Variants in KIAA1328 observed in about 807,000 individuals in gnomAD.
The protein encoded by KIAA1328 is KIAA1328, also known as protein hinderin.
Under a neutral mutation model 68.1 loss-of-function variants are expected in KIAA1328, and 52 were observed. The ratio of observed to expected loss-of-function variants is 0.76; its 90% CI spans 0.61 to 0.96. The LOEUF (loss-of-function observed/expected upper bound fraction) is 0.96, where lower values mean the gene tolerates loss of function less well. Ranked by LOEUF, KIAA1328 falls within the 40% of genes least tolerant of loss-of-function variation. The pLI is 0.00. For synonymous variants in KIAA1328, 232 were observed against 239.4 expected, an observed-to-expected ratio of 0.97 and a Z score of 0.28; for missense variants, 641 against 677.6, an observed-to-expected ratio of 0.95 and a Z score of 0.60.
At chr18:37,169,234 C>T (rs1476038798) in intron 8 of KIAA1328, among the ~76,000 whole-genome samples, 8 of 150,940 alleles carry the variant, frequency 5.3e-5, no homozygotes, top group East Asian at 1.9e-4. Context: ...GGCACGATCT[C>T]GGCTCACTGC....
chr18:37,062,028 T>C (rs1014010573), intron 6 of KIAA1328, among the ~76,000 whole-genome samples: 7 of 152,218 alleles, frequency 4.6e-5, no homozygotes, highest in African/African-American at 1.7e-4. Flanking sequence ...TTAGATATGG[T>C]CCACGCGCTT....
chr18:37,084,882 A>C (rs894341456), intron 7 of KIAA1328, among the ~76,000 whole-genome samples: 2 of 152,182 alleles, frequency 1.3e-5, no homozygotes, highest in African/African-American at 4.8e-5. Flanking sequence ...GGTCTGCAAC[A>C]ATCAATCTGG....
chr18:37,085,712 A>G (rs2057082489), intron 7 of KIAA1328, among the ~76,000 whole-genome samples: 1 of 152,148 alleles, frequency 6.6e-6, no homozygotes, highest in Admixed American at 6.5e-5. Context: ...TGCTATGGAA[A>G]TTGATGATTT....
intron 6 of KIAA1328, among the ~76,000 whole-genome samples, chr18:37,044,069 A>G (rs2055366378): frequency 6.6e-6 from 1 of 152,242 alleles, no homozygotes; most frequent in African/African-American, 2.4e-5. Context: ...AATTTAACAA[A>G]CTATAGACCA....
chr18:37,094,800 A>AG (rs1310823044), intron 7 of KIAA1328, among the ~76,000 whole-genome samples: 1 of 152,196 alleles, frequency 6.6e-6, no homozygotes, highest in Non-Finnish European at 1.5e-5. Flanking sequence ...AGATTAAAAA[A>AG]CAAAACTCAA....
At chr18:37,229,529 G>A (rs915398573), downstream of KIAA1328, 2 of 1,264,288 alleles carry the variant, frequency 1.6e-6, no homozygotes, top group African/African-American at 1.5e-5. Flanking sequence ...GGGGTGGGAG[G>A]GTCATTTTTT....
chr18:37,211,068 T>G (rs188610868), intron 9 of KIAA1328, among the ~76,000 whole-genome samples: 104 of 152,274 alleles, frequency 6.8e-4, no homozygotes, highest in Middle Eastern at 3.4e-3. Context: ...TGTACTTGAG[T>G]AGATTAATTT....
At chr18:37,202,817 G>A (rs1017344074) in intron 9 of KIAA1328, among the ~76,000 whole-genome samples, 5 of 152,046 alleles carry the variant, frequency 3.3e-5, no homozygotes, top group Admixed American at 1.3e-4. Context: ...TGATTTTAAC[G>A]TAAATTTGAT....
At chr18:36,997,701 A>G (rs1228661658) in intron 6 of KIAA1328, among the ~76,000 whole-genome samples, 1 of 152,150 alleles carries the variant, frequency 6.6e-6, no homozygotes, top group South Asian at 2.1e-4. Flanking sequence ...GGCTGTTGCT[A>G]CTGAGACTCG....
At chr18:36,900,980 C>T (rs1224682815) in intron 5 of KIAA1328, among the ~76,000 whole-genome samples, 1 of 152,026 alleles carries the variant, frequency 6.6e-6, no homozygotes, top group African/African-American at 2.4e-5. Flanking sequence ...ATCTGGTTGT[C>T]TCTTCAAAAT....
At chr18:36,959,027 C>T (rs949054270) in intron 5 of KIAA1328, among the ~76,000 whole-genome samples, 5 of 151,728 alleles carry the variant, frequency 3.3e-5, no homozygotes, top group African/African-American at 1.2e-4. Flanking sequence ...GTAGGGGTTC[C>T]TTTGCATGTA....
At chr18:37,010,791 T>C (rs1177453074) in intron 6 of KIAA1328, among the ~76,000 whole-genome samples, 2 of 152,062 alleles carry the variant, frequency 1.3e-5, no homozygotes, top group Non-Finnish European at 2.9e-5. Flanking sequence ...TACTGTCATT[T>C]GAGATTATAC....
intron 6 of KIAA1328, among the ~76,000 whole-genome samples, chr18:37,008,554 A>C (rs1186396809): frequency 6.6e-6 from 1 of 152,256 alleles, no homozygotes; most frequent in Non-Finnish European, 1.5e-5. Context: ...TCTAGAGAAA[A>C]GATAATTAAG....
chr18:36,878,526 G>A (rs1258701989), intron 4 of KIAA1328, among the ~76,000 whole-genome samples: 1 of 152,114 alleles, frequency 6.6e-6, no homozygotes, highest in African/African-American at 2.4e-5. Flanking sequence ...TCTTTGTGGT[G>A]TTCTGTGTTT....
At chr18:36,920,474 T>G (rs1485752831) in intron 5 of KIAA1328, among the ~76,000 whole-genome samples, 2 of 152,174 alleles carry the variant, frequency 1.3e-5, no homozygotes, top group Non-Finnish European at 2.9e-5. Context: ...TAGTTTGAAG[T>G]CAGGTAGTGT....
At chr18:37,000,734 A>G (rs1298418206) in intron 6 of KIAA1328, among the ~76,000 whole-genome samples, 2 of 151,836 alleles carry the variant, frequency 1.3e-5, no homozygotes, top group Non-Finnish European at 2.9e-5. Flanking sequence ...CAATACCAAG[A>G]GGAACTCTGG....
intron 7 of KIAA1328, among the ~76,000 whole-genome samples, chr18:37,109,408 A>C (rs1438262191): frequency 6.6e-6 from 1 of 152,210 alleles, no homozygotes; most frequent in Non-Finnish European, 1.5e-5. Flanking sequence ...CCTAAGAATT[A>C]GCTTTTTTGT....
intron 6 of KIAA1328, among the ~76,000 whole-genome samples, chr18:37,061,511 T>G (rs921113265): frequency 6.6e-6 from 1 of 152,226 alleles, no homozygotes; most frequent in Admixed American, 6.5e-5. Context: ...AAATTGTGGT[T>G]TCTAAGTTAC....
chr18:37,108,695 C>T (rs1474135352), intron 7 of KIAA1328, among the ~76,000 whole-genome samples: 1 of 152,152 alleles, frequency 6.6e-6, no homozygotes, highest in East Asian at 1.9e-4. Context: ...CCTTTAGGAG[C>T]AAAGCTTTAT....
Sources: allele counts gnomAD v4.1 joint callset (sites outside exome capture counted in the v4.1 genomes callset), GRCh38; gene constraint gnomAD v4.1.1; transcripts MANE v1.5; gene names NCBI Gene and HGNC (gene_info 2026-07-23, HGNC 2026-07-21).